The following PTPN9 variants were observed in gnomAD, a reference collection of about 807,000 sequenced individuals.
The protein encoded by PTPN9 is protein tyrosine phosphatase non-receptor type 9, also known as tyrosine-protein phosphatase non-receptor type 9.
In PTPN9, 26 loss-of-function variants were observed where a neutral mutation model predicts 69.8. The observed-to-expected ratio is 0.37, with a 90% CI of 0.27 to 0.52. The LOEUF (loss-of-function observed/expected upper bound fraction) is 0.52, where lower values mean the gene tolerates loss of function less well. Among genes scored for constraint, PTPN9 ranks in the 20% least tolerant of loss-of-function variants. The pLI, the probability that PTPN9 is intolerant of heterozygous loss-of-function variation, is 0.91. For synonymous variants in PTPN9, 274 were observed against 272.5 expected (o/e 1.01, Z -0.05); for missense variants, 549 against 740.3 (o/e 0.74, Z 3.00).
At chr15:75,552,836 A>C (rs78815281) in intron 1 of PTPN9, among the ~76,000 whole-genome samples, 2,815 of 149,880 alleles carry the variant, frequency 0.019, 170 homozygotes, top group Admixed American at 0.11. Context: ...AGATAAGGGC[A>C]CTGGGTCATG....
At chr15:75,509,112 A>C in intron 5 of PTPN9, 85 bp from the exon 6 acceptor site, 1 of 1,077,044 alleles carries the variant, frequency 9.3e-7, no homozygotes, top group Non-Finnish European at 1.4e-6. Context: ...TCTTCTCCCC[A>C]TTCTTACCCA....
At chr15:75,481,089 T>G in intron 8 of PTPN9, among the ~76,000 whole-genome samples, 1 of 47,222 alleles carries the variant, frequency 2.1e-5, no homozygotes, top group African/African-American at 9.4e-5. Context: ...CGGCCGCCCA[T>G]CGTCTGAGAT....
chr15:75,476,042 G>A (rs1235672417), intron 9 of PTPN9, among the ~76,000 whole-genome samples: 1 of 152,140 alleles, frequency 6.6e-6, no homozygotes, highest in Non-Finnish European at 1.5e-5. Flanking sequence ...AGGAGACTGA[G>A]GTGAGAGGAT....
chr15:75,479,328 A>C (rs28435533), intron 9 of PTPN9, among the ~76,000 whole-genome samples: 1 of 152,112 alleles, frequency 6.6e-6, no homozygotes, highest in Non-Finnish European at 1.5e-5. Context: ...AAAAATGAGA[A>C]ATCCTCCTAG....
At chr15:75,530,199 CAAAAAAAA>C (rs1171614508) in intron 1 of PTPN9, among the ~76,000 whole-genome samples, 2 of 28,266 alleles carry the variant, frequency 7.1e-5, no homozygotes, top group African/African-American at 2.7e-4. Flanking sequence ...GACTCCATCT[CAAAAAAAA>C]AAAAAAAAAA....
At chr15:75,471,312 T>C (rs1338023420) in intron 10 of PTPN9, among the ~76,000 whole-genome samples, 1 of 151,528 alleles carries the variant, frequency 6.6e-6, no homozygotes, top group African/African-American at 2.4e-5. Flanking sequence ...AGAGAAAATA[T>C]GAAAATATGA....
At chr15:75,578,686 C>T (rs1042366337) in intron 1 of PTPN9, 28 bp downstream of exon 1, 1 of 1,365,302 alleles carries the variant, frequency 7.3e-7, no homozygotes, top group South Asian at 1.6e-5. Flanking sequence ...CCGGACACAC[C>T]CAACGCGGCG....
chr15:75,528,883 G>A (rs1324723695), intron 1 of PTPN9, among the ~76,000 whole-genome samples: 2 of 150,598 alleles, frequency 1.3e-5, no homozygotes, highest in Non-Finnish European at 3.0e-5. Flanking sequence ...TTGATTTTTT[G>A]TAGAGACGAG....
At chr15:75,525,621 G>C (rs1201612277) in intron 2 of PTPN9, among the ~76,000 whole-genome samples, 1 of 151,102 alleles carries the variant, frequency 6.6e-6, no homozygotes, top group Non-Finnish European at 1.5e-5. Flanking sequence ...TCAACCGCTT[G>C]TTTTAAACCT....
chr15:75,569,805 A>G (rs1265989352), intron 1 of PTPN9, among the ~76,000 whole-genome samples: 3 of 151,916 alleles, frequency 2.0e-5, no homozygotes, highest in African/African-American at 7.3e-5. Context: ...TCACAAAACT[A>G]AAGTCCAAGA....
intron 10 of PTPN9, among the ~76,000 whole-genome samples, chr15:75,472,092 C>T: frequency 6.6e-6 from 1 of 152,048 alleles, no homozygotes; most frequent in East Asian, 1.9e-4. Flanking sequence ...CATTTTTTTC[C>T]TTCCTCATCT....
chr15:75,500,826 G>A (rs1414795784), intron 7 of PTPN9, among the ~76,000 whole-genome samples: 2 of 152,004 alleles, frequency 1.3e-5, no homozygotes, highest in Non-Finnish European at 2.9e-5. Flanking sequence ...GATGGAGGCT[G>A]CAGTGAGCCA....
intron 1 of PTPN9, among the ~76,000 whole-genome samples, chr15:75,539,550 C>T (rs185361814): frequency 0.02 from 2,978 of 151,976 alleles, 177 homozygotes; most frequent in Admixed American, 0.11. Context: ...TCATGATCCG[C>T]CCGCCTCAGC....
chr15:75,524,190 T>C lies in PTPN9; in HGVS notation c.297+19A>G, dbSNP rs185573097. ...AAGGAAGTAATAAGGCCCTACAAGA[T>C]AGGTCCCTAAACACTCACTAAGATG... On this transcript the variant is annotated intron_variant, in intron 3 of 12. Transcript: ENST00000618819. 74 of 1,486,950 alleles carry C rather than the reference T, an allele frequency of 5.0e-5. No individual in the cohort carries two copies. The highest frequency in any genetic ancestry group is 6.6e-5 in the Non-Finnish European group (71 of 1,078,860). 92.1% of individuals were successfully genotyped at this position (1,486,950 alleles called of 1,614,324 possible). A position where few individuals can be genotyped will look rare whatever the true frequency, so the allele number is the denominator to read the frequency against.
At chr15:75,565,270 TTCAGTA>T (rs1353112397) in intron 1 of PTPN9, among the ~76,000 whole-genome samples, 2 of 152,128 alleles carry the variant, frequency 1.3e-5, no homozygotes, top group African/African-American at 4.8e-5. Context: ...ACTAGAGCTT[TTCAGTA>T]TGAGAAGTCA....
At chr15:75,510,722 T>C (rs926768117) in intron 5 of PTPN9, among the ~76,000 whole-genome samples, 4 of 152,116 alleles carry the variant, frequency 2.6e-5, no homozygotes, top group African/African-American at 9.7e-5. Context: ...TTGTAAAATA[T>C]ACACAACAAA....
At position 75,571,185 on chromosome 15, in the gene PTPN9, G is replaced by A. The variant is rs187767287; in HGVS notation, c.63+7529C>T. ...TGAGGCAGGAGAATTGCTTGAACCC[G>A]GGAGGCGGCGGTTGCAGTGAGCCGA... On this transcript the variant is annotated intron_variant, in intron 1 of 12. Coordinates refer to ENST00000618819, the MANE Select transcript of PTPN9 (RefSeq NM_002833.4). Among the ~76,000 whole-genome samples the A allele has an allele frequency of 4.6e-5, 7 of 152,128 alleles. No individual in the cohort carries two copies. In the East Asian group the frequency reaches 9.7e-4, roughly 21 times the overall value.
At chr15:75,469,731 G>T in intron 12 of PTPN9, 61 bp downstream of exon 12, 1 of 1,557,412 alleles carries the variant, frequency 6.4e-7, no homozygotes, top group Non-Finnish European at 8.8e-7. Flanking sequence ...TAAGAGCTTT[G>T]TTTTTCCTCG....
intron 1 of PTPN9, 144 bp downstream of exon 1, chr15:75,578,570 C>A (rs1200891595): frequency 4.9e-6 from 3 of 613,980 alleles, no homozygotes; most frequent in Non-Finnish European, 6.9e-6. Flanking sequence ...GGCGCGGTCG[C>A]CGGTGAGGGA....
Sources: allele counts gnomAD v4.1 joint callset (sites outside exome capture counted in the v4.1 genomes callset), GRCh38; gene constraint gnomAD v4.1.1; transcripts MANE v1.5; gene names NCBI Gene and HGNC (gene_info 2026-07-23, HGNC 2026-07-21).